PDE1C: variants seen among roughly 807,000 people sequenced by gnomAD.
PDE1C encodes the protein phosphodiesterase 1C.
A neutral mutation model predicts 93.1 loss-of-function variants in PDE1C; 62 were observed. The observed-to-expected ratio is 0.67, with a 90% CI of 0.54 to 0.82. The LOEUF (loss-of-function observed/expected upper bound fraction) is 0.82, where lower values mean the gene tolerates loss of function less well. Ranked by LOEUF, PDE1C falls within the 40% of genes least tolerant of loss-of-function variation. The probability of loss-of-function intolerance (pLI) is 0.00; values close to 1 mark genes in which losing one functional copy is unlikely to be tolerated. For missense variants in PDE1C, 742 were observed against 884.6 expected, an observed-to-expected ratio of 0.84 and a Z score of 2.04; for synonymous variants, 325 against 310.1, an observed-to-expected ratio of 1.05 and a Z score of -0.50.
At chr7:32,383,769 G>A (rs943433512) in intron 1 of PDE1C, among the ~76,000 whole-genome samples, 1 of 152,172 alleles carries the variant, frequency 6.6e-6, no homozygotes, top group African/African-American at 2.4e-5. Context: ...CTTTTACTCA[G>A]TTTCTGACAC....
At chr7:31,964,685 G>A (rs1032484017) in intron 2 of PDE1C, among the ~76,000 whole-genome samples, 1 of 152,222 alleles carries the variant, frequency 6.6e-6, no homozygotes, top group African/African-American at 2.4e-5. Flanking sequence ...CCCCCGAGTA[G>A]CCTAACTGGG....
chr7:32,346,378 G>A (rs893578074), intron 1 of PDE1C, among the ~76,000 whole-genome samples: 9 of 152,224 alleles, frequency 5.9e-5, no homozygotes, highest in Non-Finnish European at 1.3e-4. Flanking sequence ...GTTGCCCCTT[G>A]CAAAAGGGAA....
At chr7:32,354,911 A>G (rs1182395870) in intron 1 of PDE1C, among the ~76,000 whole-genome samples, 1 of 152,186 alleles carries the variant, frequency 6.6e-6, no homozygotes, top group Non-Finnish European at 1.5e-5. Flanking sequence ...TTTTCTTTTT[A>G]CATTCCAAAT....
the PDE1C span, among the ~76,000 whole-genome samples, chr7:31,647,386 G>T: frequency 6.6e-6 from 1 of 152,238 alleles, no homozygotes; most frequent in Non-Finnish European, 1.5e-5. Flanking sequence ...GGGAGGCCAG[G>T]CATGGTGGCT....
chr7:31,801,439 T>C (rs1786023007), intron 16 of PDE1C, among the ~76,000 whole-genome samples: 1 of 151,486 alleles, frequency 6.6e-6, no homozygotes, highest in Admixed American at 6.6e-5. Context: ...AGTCTATCTT[T>C]TTAAATATTC....
upstream of PDE1C, among the ~76,000 whole-genome samples, chr7:32,302,082 T>G (rs529323228): frequency 6.6e-6 from 1 of 152,356 alleles, no homozygotes; most frequent in Non-Finnish European, 1.5e-5. Flanking sequence ...CATTGTTCAG[T>G]AGCTGTGCCT....
At chr7:31,618,304 T>C in the PDE1C span, among the ~76,000 whole-genome samples, 2 of 152,090 alleles carry the variant, frequency 1.3e-5, no homozygotes, top group African/African-American at 2.4e-5. Flanking sequence ...TAATTAGGAC[T>C]GTTCATGAGA....
At chr7:32,126,930 G>A (rs1424192546) in intron 3 of PDE1C, among the ~76,000 whole-genome samples, 1 of 152,100 alleles carries the variant, frequency 6.6e-6, no homozygotes, top group African/African-American at 2.4e-5. Context: ...CAAACATTTG[G>A]CCAAGCATTA....
intron 2 of PDE1C, among the ~76,000 whole-genome samples, chr7:32,030,273 A>G (rs945762845): frequency 2.0e-5 from 3 of 152,086 alleles, no homozygotes; most frequent in African/African-American, 7.2e-5. Flanking sequence ...CTTAGAGAAA[A>G]AGAATGATTT....
At chr7:32,373,990 C>T (rs1169711175) in intron 1 of PDE1C, among the ~76,000 whole-genome samples, 1 of 149,490 alleles carries the variant, frequency 6.7e-6, no homozygotes, top group Non-Finnish European at 1.5e-5. Flanking sequence ...GAGTGAGACT[C>T]TTTCAAAAGA....
chr7:31,790,829 G>C (rs1359944401), intron 16 of PDE1C, among the ~76,000 whole-genome samples: 1 of 152,092 alleles, frequency 6.6e-6, no homozygotes, highest in Non-Finnish European at 1.5e-5. Flanking sequence ...ATGGAAAAAG[G>C]ACTAGGTTAA....
intron 2 of PDE1C, among the ~76,000 whole-genome samples, chr7:32,042,956 G>A (rs1792042144): frequency 6.6e-6 from 1 of 152,180 alleles, no homozygotes; most frequent in African/African-American, 2.4e-5. Flanking sequence ...GAACCAGAGA[G>A]GAGCAATTCG....
the PDE1C span, among the ~76,000 whole-genome samples, chr7:31,697,645 A>C: frequency 1.3e-5 from 2 of 152,206 alleles, no homozygotes; most frequent in Non-Finnish European, 2.9e-5. Flanking sequence ...TGTCTCTGAG[A>C]AGTACAAGTT....
At chr7:31,813,720 T>G (rs1583440457) in intron 15 of PDE1C, among the ~76,000 whole-genome samples, 1 of 152,122 alleles carries the variant, frequency 6.6e-6, no homozygotes, top group Non-Finnish European at 1.5e-5. Flanking sequence ...AAGTAAGTTA[T>G]TTAGTGGTGA....
chr7:32,363,156 T>C (rs959798006), intron 1 of PDE1C, among the ~76,000 whole-genome samples: 9 of 152,206 alleles, frequency 5.9e-5, no homozygotes, highest in African/African-American at 2.2e-4. Flanking sequence ...TTTATTAGTA[T>C]TTTTTAGAAA....
At chr7:32,341,174 T>TATTTTTTATTTTTTTTA (rs72495478) in intron 1 of PDE1C, among the ~76,000 whole-genome samples, 2 of 17,122 alleles carry the variant, frequency 1.2e-4, no homozygotes, top group African/African-American at 1.9e-4. Context: ...AAATAAAGTC[T>TATTTTTTATTTTTTTTA]TTTTTTTTTT....
intron 2 of PDE1C, among the ~76,000 whole-genome samples, chr7:31,961,520 G>A (rs923674292): frequency 6.6e-5 from 10 of 151,944 alleles, no homozygotes; most frequent in African/African-American, 2.4e-4. Flanking sequence ...TTCCTCTGAG[G>A]AAAAGAGGAA....
chr7:31,825,496 G>C lies in PDE1C; in HGVS notation c.1286-509C>G, dbSNP rs544032828. Among the ~76,000 whole-genome samples the C allele has an allele frequency of 2.6e-5, 4 of 152,232 alleles. 1 individual carries two copies. The South Asian group carries it at 8.3e-4, about 32-fold the overall frequency. On this transcript the variant is annotated intron_variant, in intron 12 of 17. Coordinates refer to ENST00000396191, the MANE Select transcript of PDE1C (RefSeq NM_001191057.4). ...GGCAGGTTATCGACAGCTCTAGGAA[G>C]GGAGGCTTCTAAGTGTTCAGATAGA... is the stretch of plus-strand genomic sequence containing the variant.
At chr7:31,859,455 T>G (rs1206518512) in intron 7 of PDE1C, among the ~76,000 whole-genome samples, 1 of 81,934 alleles carries the variant, frequency 1.2e-5, no homozygotes, top group African/African-American at 3.9e-5. Context: ...TTTAATAATA[T>G]AAATAATATA....
Sources: allele counts gnomAD v4.1 joint callset (sites outside exome capture counted in the v4.1 genomes callset), GRCh38; gene constraint gnomAD v4.1.1; transcripts MANE v1.5; gene names NCBI Gene and HGNC (gene_info 2026-07-23, HGNC 2026-07-21).